PDZRN4: variants seen among roughly 807,000 people sequenced by gnomAD.
PDZRN4 encodes PDZ domain-containing RING finger protein 4.
A neutral mutation model predicts 99.0 loss-of-function variants in PDZRN4; 70 were observed. The ratio of observed to expected loss-of-function variants is 0.71; its 90% CI spans 0.58 to 0.86. The LOEUF is 0.86. PDZRN4 is among the 40% of genes least tolerant of loss of function. The probability of loss-of-function intolerance (pLI) is 0.00; values close to 1 mark genes in which losing one functional copy is unlikely to be tolerated. For synonymous variants in PDZRN4, 551 were observed against 501.6 expected, an observed-to-expected ratio of 1.10 and a Z score of -1.32; for missense variants, 1,474 against 1,331.2, an observed-to-expected ratio of 1.11 and a Z score of -1.67.
chr12:41,424,249 A>G (rs1952515636), intron 3 of PDZRN4, among the ~76,000 whole-genome samples: 1 of 152,316 alleles, frequency 6.6e-6, no homozygotes, highest in African/African-American at 2.4e-5. Flanking sequence ...TATTTCTGAA[A>G]CGGACAGTGA....
chr12:41,482,485 A>G (rs938287645), intron 3 of PDZRN4, among the ~76,000 whole-genome samples: 2 of 152,190 alleles, frequency 1.3e-5, no homozygotes, highest in Non-Finnish European at 2.9e-5. Flanking sequence ...TTCACATTCA[A>G]TTAACAATCA....
At chr12:41,478,185 G>A (rs755244926) in intron 3 of PDZRN4, among the ~76,000 whole-genome samples, 15 of 151,904 alleles carry the variant, frequency 9.9e-5, no homozygotes, top group Non-Finnish European at 1.5e-4. Flanking sequence ...GTGCAATCTC[G>A]GCTCACTGCA....
chr12:41,276,011 A>G (rs1043635912), intron 3 of PDZRN4, among the ~76,000 whole-genome samples: 3 of 152,166 alleles, frequency 2.0e-5, no homozygotes, highest in Admixed American at 6.5e-5. Context: ...ATGCTTTTCT[A>G]TCTTGGTAGA....
intron 3 of PDZRN4, among the ~76,000 whole-genome samples, chr12:41,252,182 G>T (rs1026516612): frequency 1.3e-5 from 2 of 152,026 alleles, no homozygotes; most frequent in Non-Finnish European, 2.9e-5. Context: ...GAAACCTTTG[G>T]CAATGTCTTA....
chr12:41,405,193 C>T (rs1952336806), intron 3 of PDZRN4, among the ~76,000 whole-genome samples: 1 of 152,050 alleles, frequency 6.6e-6, no homozygotes, highest in African/African-American at 2.4e-5. Flanking sequence ...AAAATATTCA[C>T]AAACTATGCA....
intron 3 of PDZRN4, among the ~76,000 whole-genome samples, chr12:41,310,809 T>G (rs1008783704): frequency 4.6e-5 from 7 of 152,216 alleles, no homozygotes; most frequent in Non-Finnish European, 7.3e-5. Flanking sequence ...TTTAGTAACT[T>G]TACCTTAGAA....
At chr12:41,421,357 T>G (rs2120408643) in intron 3 of PDZRN4, among the ~76,000 whole-genome samples, 1 of 152,154 alleles carries the variant, frequency 6.6e-6, no homozygotes, top group Non-Finnish European at 1.5e-5. Context: ...CACACCTGGT[T>G]GATTTTTGTA....
Position 41,188,836 on chromosome 12 carries a change from G to T in PDZRN4, c.381G>T (p.Val127=), listed in dbSNP as rs757795436. Residue 127 remains valine, a synonymous_variant, in exon 1 of 10, where the codon GTG becomes GTT. Coordinates refer to ENST00000402685, the MANE Select transcript of PDZRN4 (RefSeq NM_001164595.2). ...GCASGLGGGE[V]PARGGCGPTP... ...CTTCGGGGCTGGGCGGTGGTGAGGT[G>T]CCCGCGCGGGGGGGCTGCGGTCCGA... is the stretch of plus-strand genomic sequence containing the variant. 698 of 1,276,810 alleles carry T rather than the reference G, an allele frequency of 5.5e-4. 1 individual carries two copies. Among genetic ancestry groups the T allele is most frequent in the Non-Finnish European group, 6.4e-4 (645 of 1,013,644 alleles). 79.1% of individuals were successfully genotyped at this position (1,276,810 alleles called of 1,614,324 possible).
chr12:41,365,140 T>G (rs1162268402), intron 3 of PDZRN4, among the ~76,000 whole-genome samples: 2 of 152,094 alleles, frequency 1.3e-5, no homozygotes, highest in Non-Finnish European at 2.9e-5. Flanking sequence ...TGTGTCAGGT[T>G]TTTCTGTTCT....
intron 3 of PDZRN4, among the ~76,000 whole-genome samples, chr12:41,373,893 A>G (rs1302548096): frequency 2.0e-5 from 3 of 152,174 alleles, no homozygotes; most frequent in African/African-American, 7.2e-5. Flanking sequence ...GAACTAATAA[A>G]TGTCCATGAA....
At chr12:41,498,555 C>T (rs553967929) in intron 3 of PDZRN4, among the ~76,000 whole-genome samples, 1 of 152,176 alleles carries the variant, frequency 6.6e-6, no homozygotes, top group South Asian at 2.1e-4. Flanking sequence ...ATTGTTTTAT[C>T]AGGAACCCAC....
intron 3 of PDZRN4, among the ~76,000 whole-genome samples, chr12:41,444,640 A>T (rs1399032157): frequency 6.6e-6 from 1 of 152,186 alleles, no homozygotes; most frequent in African/African-American, 2.4e-5. Context: ...AACTTTAGAT[A>T]TGACAGATTG....
At chr12:41,241,888 C>T (rs1216476175) in intron 3 of PDZRN4, among the ~76,000 whole-genome samples, 1 of 152,190 alleles carries the variant, frequency 6.6e-6, no homozygotes, top group Non-Finnish European at 1.5e-5. Flanking sequence ...TCTGTCAGAA[C>T]TTTCCAGTAT....
intron 3 of PDZRN4, among the ~76,000 whole-genome samples, chr12:41,327,162 T>A (rs1451370969): frequency 6.6e-6 from 1 of 152,212 alleles, no homozygotes; most frequent in Non-Finnish European, 1.5e-5. Flanking sequence ...GGGTGGTAAG[T>A]GCAGCCTTGA....
At chr12:41,331,221 AT>A (rs1951739551) in intron 3 of PDZRN4, among the ~76,000 whole-genome samples, 1 of 152,130 alleles carries the variant, frequency 6.6e-6, no homozygotes, top group South Asian at 2.1e-4. Flanking sequence ...TTTGGATAAT[AT>A]TTCACTTATT....
chr12:41,550,915 T>C (rs1234322726), intron 5 of PDZRN4, among the ~76,000 whole-genome samples: 1 of 152,186 alleles, frequency 6.6e-6, no homozygotes, highest in Non-Finnish European at 1.5e-5. Flanking sequence ...AAGGAGGATA[T>C]ATACTCAAAT....
chr12:41,521,855 T>G (rs2120716362), intron 5 of PDZRN4, among the ~76,000 whole-genome samples: 2 of 152,258 alleles, frequency 1.3e-5, no homozygotes, highest in Middle Eastern at 6.8e-3. Context: ...TCACTTTGTT[T>G]TTATAAACAA....
At chr12:41,542,372 G>A (rs968242696) in intron 5 of PDZRN4, among the ~76,000 whole-genome samples, 6 of 151,964 alleles carry the variant, frequency 3.9e-5, no homozygotes, top group East Asian at 1.9e-4. Flanking sequence ...AGACACTAAG[G>A]GTTGAAAGAA....
chr12:41,295,349 T>G (rs1220886649), intron 3 of PDZRN4, among the ~76,000 whole-genome samples: 1 of 151,968 alleles, frequency 6.6e-6, no homozygotes, highest in Non-Finnish European at 1.5e-5. Flanking sequence ...AGTCCCCAAT[T>G]TCAGAAAATG....
Sources: gnomAD v4.1 joint callset for allele counts (sites outside exome capture counted in the v4.1 genomes callset) on GRCh38, gnomAD v4.1.1 for gene constraint, MANE v1.5 for transcripts, NCBI Gene and HGNC (gene_info 2026-07-23, HGNC 2026-07-21) for gene names.